The following RNF180 variants were observed in gnomAD, a reference collection of about 807,000 sequenced individuals.
RNF180 encodes the protein E3 ubiquitin-protein ligase RNF180.
RNF180 carries 38 observed loss-of-function variants against 59.2 expected under a neutral mutation model. The ratio of observed to expected loss-of-function variants is 0.64; its 90% confidence interval spans 0.50 to 0.84. The LOEUF is 0.84. Ranked by LOEUF, RNF180 falls within the 40% of genes least tolerant of loss-of-function variation. RNF180 has a pLI of 0.00. For synonymous variants in RNF180, 262 were observed against 240.3 expected (o/e 1.09, Z -0.84); for missense variants, 705 against 700.9 (o/e 1.01, Z -0.07).
At chr5:64,208,974 A>G (rs950471945) in intron 2 of RNF180, among the ~76,000 whole-genome samples, 2 of 152,038 alleles carry the variant, frequency 1.3e-5, no homozygotes, top group African/African-American at 4.8e-5. Flanking sequence ...AAAATAAGAT[A>G]TGCTTCAGTT....
chr5:64,181,861 C>G (rs945520332), intron 1 of RNF180, among the ~76,000 whole-genome samples: 1 of 152,130 alleles, frequency 6.6e-6, no homozygotes, highest in African/African-American at 2.4e-5. Context: ...ATCAGTAGTG[C>G]TCAATCTGTG....
At chr5:64,302,879 A>C (rs751383109) in intron 5 of RNF180, among the ~76,000 whole-genome samples, 1 of 151,668 alleles carries the variant, frequency 6.6e-6, no homozygotes, top group Non-Finnish European at 1.5e-5. Flanking sequence ...TCACAGTTAT[A>C]TGCAGTCAAA....
In RNF180 at chr5:64,321,692, G is replaced by C. The variant is rs145495370; in HGVS notation, c.1228-3494G>C. Among the ~76,000 whole-genome samples the C allele has an allele frequency of 8.5e-4, 129 of 152,008 alleles. 1 individual carries two copies. Among genetic ancestry groups the C allele is most frequent in the African/African-American group, 3.0e-3 (124 of 41,472 alleles). The stretch of plus-strand genomic sequence containing the variant: ...TAAATTTCATAAGGAACCAAAAAAG[G>C]GCCCGTATAGCCAAGACAATCCTAA... On this transcript the variant is annotated intron_variant, in intron 5 of 7. Transcript: ENST00000389100.
chr5:64,346,796 T>C (rs1035530287), intron 7 of RNF180, among the ~76,000 whole-genome samples: 28 of 152,160 alleles, frequency 1.8e-4, no homozygotes, highest in Non-Finnish European at 2.9e-5. Context: ...GCTCCCCAGA[T>C]GATAACTATG....
At chr5:64,362,110 A>G (rs1746279347) in intron 7 of RNF180, among the ~76,000 whole-genome samples, 2 of 151,496 alleles carry the variant, frequency 1.3e-5, no homozygotes, top group African/African-American at 4.8e-5. Flanking sequence ...TTTTAGGTTC[A>G]TGGGTACATG....
chr5:64,299,817 C>T (rs897597880), intron 5 of RNF180, among the ~76,000 whole-genome samples: 5 of 151,940 alleles, frequency 3.3e-5, no homozygotes, highest in African/African-American at 1.2e-4. Flanking sequence ...CTGTAGTCAA[C>T]TGTACTCCAA....
Position 64,213,611 on chromosome 5 carries a change from GGGCTTTAATTTTGTCAGCACT to G in RNF180, c.286_306del (p.Gly96_Thr102del), listed in dbSNP as rs763255059. On this transcript the variant is annotated inframe_deletion, in exon 4 of 8. Transcript: ENST00000389100. ...GTCCTTTCTGTGGGGCCCGTTTAGG[GGGCTTTAATTTTGTCAGCACT>G]CCAAAATGTTCCTGTGGCCAGCTTG... 1.9e-6 allele frequency: 3 copies of G among 1,614,108 alleles called. No individual in the cohort carries two copies. Among genetic ancestry groups the G allele is most frequent in the South Asian group, 2.2e-5 (2 of 91,082 alleles).
At chr5:64,354,316 A>G (rs555868056) in intron 7 of RNF180, among the ~76,000 whole-genome samples, 5 of 152,000 alleles carry the variant, frequency 3.3e-5, no homozygotes, top group South Asian at 2.1e-4. Flanking sequence ...AGAGAATACT[A>G]TAAGCAATTA....
intron 5 of RNF180, among the ~76,000 whole-genome samples, chr5:64,308,134 A>G (rs760408930): frequency 6.6e-6 from 1 of 151,818 alleles, no homozygotes; most frequent in African/African-American, 2.4e-5. Flanking sequence ...ATGCATAGGA[A>G]GAATGAAAGG....
At chr5:64,298,864 A>G (rs1456328156) in intron 5 of RNF180, among the ~76,000 whole-genome samples, 2 of 151,988 alleles carry the variant, frequency 1.3e-5, no homozygotes, top group South Asian at 2.1e-4. Flanking sequence ...GCCTCTTGCA[A>G]TTAACTAAAG....
rs1159132508 is a variant in RNF180 at position 64,325,257 on chromosome 5, A to G, written c.1299A>G (p.Ala433=). ...YAEEKDSYIC[A]VCLDVYFNPY... is the part of the protein sequence containing the mutation. ...AAGAAAAGGATAGCTACATCTGTGCAGTGTGTCTGGACGTTTATTTCAACC... is the reference window on the plus strand; with the variant it reads ...AAGAAAAGGATAGCTACATCTGTGCGGTGTGTCTGGACGTTTATTTCAACC... The change falls in exon 6 of 8, where the codon GCA becomes GCG. Residue 433 remains alanine, a synonymous_variant. Coordinates refer to ENST00000389100, the MANE Select transcript of RNF180 (RefSeq NM_001113561.2). 2 of 1,551,540 alleles carry G rather than the reference A, an allele frequency of 1.3e-6. No individual in the cohort carries two copies. Among genetic ancestry groups the G allele is most frequent in the Non-Finnish European group, 8.7e-7 (1 of 1,146,798 alleles).
chr5:64,354,791 AT>A (rs1745952353), intron 7 of RNF180, among the ~76,000 whole-genome samples: 1 of 151,222 alleles, frequency 6.6e-6, no homozygotes, highest in South Asian at 2.1e-4. Context: ...CATAAAAAAA[AT>A]CTATGTAATT....
intron 7 of RNF180, among the ~76,000 whole-genome samples, chr5:64,339,351 A>G (rs894491696): frequency 6.6e-6 from 1 of 152,058 alleles, no homozygotes; most frequent in Non-Finnish European, 1.5e-5. Context: ...ATTATTACTT[A>G]AGGCTATAAA....
chr5:64,265,755 C>T (rs2112333505), intron 5 of RNF180, among the ~76,000 whole-genome samples: 1 of 152,160 alleles, frequency 6.6e-6, no homozygotes, highest in Admixed American at 6.5e-5. Context: ...TTTTCTAATT[C>T]TGTGAAAAAA....
At chr5:64,313,550 C>G (rs995303766) in intron 5 of RNF180, among the ~76,000 whole-genome samples, 1 of 152,102 alleles carries the variant, frequency 6.6e-6, no homozygotes, top group African/African-American at 2.4e-5. Context: ...ATCCAGTCTA[C>G]TATTGATGGG....
intron 7 of RNF180, among the ~76,000 whole-genome samples, chr5:64,356,939 C>T (rs193127020): frequency 5.2e-4 from 79 of 151,922 alleles, no homozygotes; most frequent in African/African-American, 1.8e-3. Flanking sequence ...GTTATTGCCA[C>T]TGAGTTGTAC....
intron 5 of RNF180, among the ~76,000 whole-genome samples, chr5:64,269,487 C>T (rs1197549878): frequency 1.3e-5 from 2 of 152,142 alleles, no homozygotes; most frequent in Admixed American, 6.6e-5. Flanking sequence ...AGAATACTAC[C>T]GTCTCTTTTT....
At chr5:64,169,596 A>G (rs1749828664) in intron 1 of RNF180, among the ~76,000 whole-genome samples, 2 of 152,248 alleles carry the variant, frequency 1.3e-5, no homozygotes, top group Admixed American at 1.3e-4. Flanking sequence ...GAAATTGGAC[A>G]GATCAAAGAA....
At chr5:64,321,202 G>A (rs541164995) in intron 5 of RNF180, among the ~76,000 whole-genome samples, 2 of 152,220 alleles carry the variant, frequency 1.3e-5, no homozygotes, top group South Asian at 4.1e-4. Context: ...AAGGGTGGGG[G>A]GTATGCAGAT....
Sources: gnomAD v4.1 joint callset for allele counts (sites outside exome capture counted in the v4.1 genomes callset) on GRCh38, gnomAD v4.1.1 for gene constraint, MANE v1.5 for transcripts, NCBI Gene and HGNC (gene_info 2026-07-23, HGNC 2026-07-21) for gene names.